MYRIP: variants seen among roughly 807,000 people sequenced by gnomAD.
MYRIP encodes the protein rab effector MyRIP.
Under a neutral mutation model 98.0 loss-of-function variants are expected in MYRIP, and 49 were observed. The observed-to-expected ratio is 0.50, with a 90% CI of 0.40 to 0.63. The LOEUF (loss-of-function observed/expected upper bound fraction) is 0.63, where lower values mean the gene tolerates loss of function less well. Among genes scored for constraint, MYRIP ranks in the 30% least tolerant of loss-of-function variants. The pLI is 0.00. For synonymous variants in MYRIP, 404 were observed against 409.5 expected (o/e 0.99, Z 0.16); for missense variants, 1,004 against 1,058.2 (o/e 0.95, Z 0.71).
chr3:40,240,362 G>A (rs1368642490), intron 12 of MYRIP, among the ~76,000 whole-genome samples: 1 of 152,182 alleles, frequency 6.6e-6, no homozygotes, highest in East Asian at 1.9e-4. Context: ...GGTGATTTCT[G>A]CATTTCCGTC....
In MYRIP at chr3:40,191,601, G is replaced by A. The variant is rs527972422; in HGVS notation, c.1665+1138G>A. On this transcript the variant is annotated intron_variant, in intron 10 of 16. Coordinates refer to ENST00000302541, the MANE Select transcript of MYRIP (RefSeq NM_015460.4). ...TCCTGAGGCCCCCATGAAGACAATT[G>A]AGGACTCAGGTCCTCAAGTCATAGA... Among the ~76,000 whole-genome samples, 19 of 152,246 alleles carry A rather than the reference G, an allele frequency of 1.2e-4. No homozygotes were observed. The East Asian group carries it at 2.5e-3, about 20-fold the overall frequency.
At chr3:39,974,025 C>A (rs1207084313) in intron 2 of MYRIP, among the ~76,000 whole-genome samples, 1 of 151,964 alleles carries the variant, frequency 6.6e-6, no homozygotes, top group Non-Finnish European at 1.5e-5. Flanking sequence ...TCAAAGCTAG[C>A]AGAAGGCAAG....
At chr3:39,968,863 A>T (rs1487386023) in intron 2 of MYRIP, among the ~76,000 whole-genome samples, 1 of 152,286 alleles carries the variant, frequency 6.6e-6, no homozygotes, top group East Asian at 1.9e-4. Context: ...TCTACAAAGA[A>T]TGTCATTGGT....
chr3:40,023,157 G>A (rs1246034484), intron 2 of MYRIP, among the ~76,000 whole-genome samples: 1 of 152,192 alleles, frequency 6.6e-6, no homozygotes, highest in East Asian at 1.9e-4. Flanking sequence ...AGGTGGCTTT[G>A]AGGGAGTCAC....
At chr3:40,191,913 A>C (rs1296397947) in intron 10 of MYRIP, among the ~76,000 whole-genome samples, 1 of 151,986 alleles carries the variant, frequency 6.6e-6, no homozygotes, top group Non-Finnish European at 1.5e-5. Flanking sequence ...TCACGTCTCC[A>C]CCTCAACTAG....
At chr3:39,941,313 A>T (rs1252407323) in intron 2 of MYRIP, among the ~76,000 whole-genome samples, 2 of 152,032 alleles carry the variant, frequency 1.3e-5, no homozygotes, top group African/African-American at 4.8e-5. Flanking sequence ...ATAGAGTAAA[A>T]ATTCACTCAT....
At chr3:40,206,288 T>C (rs1374279598) in intron 10 of MYRIP, among the ~76,000 whole-genome samples, 1 of 152,162 alleles carries the variant, frequency 6.6e-6, no homozygotes, top group Non-Finnish European at 1.5e-5. Context: ...GATGTAAATA[T>C]TTGTTAATCT....
At chr3:40,053,184 C>A (rs905495972) in intron 3 of MYRIP, among the ~76,000 whole-genome samples, 1 of 152,160 alleles carries the variant, frequency 6.6e-6, no homozygotes, top group Non-Finnish European at 1.5e-5. Flanking sequence ...CCCTTCCCCC[C>A]ATCCCTGCCC....
chr3:39,990,979 T>A lies in MYRIP; in HGVS notation c.111-53071T>A, dbSNP rs149443666. 5.4e-3 allele frequency among the ~76,000 whole-genome samples: 818 copies of A among 152,126 alleles called. 5 individuals are homozygous for A. Among genetic ancestry groups the A allele is most frequent in the African/African-American group, 0.018 (767 of 41,502 alleles). ...ACACATGGACACAGGAAGGGGAACA[T>A]CACACACTGGGGCCTGTCGGGGAGT... On this transcript the variant is annotated intron_variant, in intron 2 of 16. Transcript: ENST00000302541.
rs1376174547 is a variant in MYRIP, at chr3:40,209,868, A to C, written c.1680A>C (p.Leu560Phe). The C allele has an allele frequency of 1.9e-6, 3 of 1,614,006 alleles. No individual in the cohort carries two copies. Among genetic ancestry groups the C allele is most frequent in the Non-Finnish European group, 2.5e-6 (3 of 1,179,922 alleles). ...CTTTCATTTAGGTGTCGGATGATTTATCAGAGACAGACATCAGCAATGAGG... is the reference window on the plus strand; with the variant it reads ...CTTTCATTTAGGTGTCGGATGATTTCTCAGAGACAGACATCAGCAATGAGG... The part of the protein sequence containing the change: ...DLDTHQVSDD[L>F]SETDISNEAR... The change falls in exon 11 of 17, where the codon TTA (leucine) becomes TTC (phenylalanine). Residue 560 changes from leucine (L) to phenylalanine (F), a missense_variant. Physicochemically the swap from Leu to Phe is conservative, Grantham distance 22 (BLOSUM62 0). This residue lies in a region of MYRIP where 880 missense variants were observed against 907.7 expected (regional missense o/e 0.97). Coordinates refer to ENST00000302541, the MANE Select transcript of MYRIP (RefSeq NM_015460.4).
chr3:39,880,567 T>G (rs1943133851), intron 1 of MYRIP, among the ~76,000 whole-genome samples: 1 of 152,242 alleles, frequency 6.6e-6, no homozygotes. Flanking sequence ...GACAGCTTGG[T>G]TCATTTCATA....
At chr3:39,985,186 A>G (rs1946001979) in intron 2 of MYRIP, among the ~76,000 whole-genome samples, 1 of 151,476 alleles carries the variant, frequency 6.6e-6, no homozygotes, top group South Asian at 2.1e-4. Flanking sequence ...GAGCCAAATC[A>G]TGAGTGAACT....
chr3:40,241,652 T>C (rs1470471145), intron 12 of MYRIP, among the ~76,000 whole-genome samples: 4 of 152,184 alleles, frequency 2.6e-5, no homozygotes, highest in African/African-American at 9.7e-5. Context: ...AGGTGTTTCA[T>C]TAAGGAAACA....
At chr3:40,077,930 C>T (rs1445148361) in intron 3 of MYRIP, among the ~76,000 whole-genome samples, 1 of 152,192 alleles carries the variant, frequency 6.6e-6, no homozygotes, top group Non-Finnish European at 1.5e-5. Context: ...TGCGCCCGCA[C>T]TCCTCAGCCC....
intron 3 of MYRIP, among the ~76,000 whole-genome samples, chr3:40,048,151 G>C (rs1251355546): frequency 6.6e-6 from 1 of 152,152 alleles, no homozygotes; most frequent in Non-Finnish European, 1.5e-5. Flanking sequence ...CAGATTCTAT[G>C]AAGAGCACAT....
intron 4 of MYRIP, among the ~76,000 whole-genome samples, chr3:40,154,337 T>C (rs1309349524): frequency 1.3e-5 from 2 of 152,110 alleles, no homozygotes; most frequent in Non-Finnish European, 2.9e-5. Flanking sequence ...CTAAGATGTA[T>C]TCATTTATTC....
At chr3:40,236,579 A>C (rs576065659) in intron 12 of MYRIP, among the ~76,000 whole-genome samples, 1 of 152,332 alleles carries the variant, frequency 6.6e-6, no homozygotes, top group South Asian at 2.1e-4. Flanking sequence ...AGTGTAATAA[A>C]TTCTTACAGG....
At chr3:40,101,938 C>G (rs1948953369) in intron 3 of MYRIP, among the ~76,000 whole-genome samples, 1 of 152,178 alleles carries the variant, frequency 6.6e-6, no homozygotes, top group South Asian at 2.1e-4. Context: ...GGCTTATTGA[C>G]TGGTTGGCTT....
chr3:40,079,541 A>G (rs1318212112), intron 3 of MYRIP, among the ~76,000 whole-genome samples: 1 of 152,240 alleles, frequency 6.6e-6, no homozygotes, highest in Non-Finnish European at 1.5e-5. Context: ...TTCAGAGCAC[A>G]CATGAGTGCT....
Sources: allele counts gnomAD v4.1 joint callset (sites outside exome capture counted in the v4.1 genomes callset), GRCh38; gene constraint gnomAD v4.1.1; regional missense constraint gnomAD v4.1.1; transcripts MANE v1.5; gene names NCBI Gene and HGNC (gene_info 2026-07-23, HGNC 2026-07-21).